Variants in HUWE1 observed in about 807,000 individuals in gnomAD.
HUWE1 encodes E3 ubiquitin-protein ligase HUWE1.
HUWE1 carries 18 observed loss-of-function variants against 299.4 expected under a neutral mutation model. The observed-to-expected ratio is 0.06, with a 90% CI of 0.04 to 0.09. HUWE1 has a LOEUF of 0.09. Ranked by LOEUF, HUWE1 falls within the 10% of genes least tolerant of loss-of-function variation. The pLI is 1.00. For synonymous variants in HUWE1, 1,317 were observed against 1,286.1 expected, an observed-to-expected ratio of 1.02 and a Z score of -0.51; for missense variants, 1,832 against 3,462.3, an observed-to-expected ratio of 0.53 and a Z score of 11.82.
Position 53,558,749 on chromosome X carries a change from C to A in HUWE1, c.8066G>T (p.Arg2689Met). 2 of 1,211,278 alleles carry A rather than the reference C, an allele frequency of 1.7e-6. No homozygotes were observed. Among genetic ancestry groups the A allele is most frequent in the Non-Finnish European group, 2.2e-6 (2 of 894,997 alleles). The change falls in exon 59 of 84, where the codon AGG becomes ATG. Residue 2689 changes from arginine to methionine, a missense_variant. Arg to Met is a moderately conservative substitution (Grantham distance 91, BLOSUM62 -1). This residue lies in a region of HUWE1 where 170 missense variants were observed against 335.8 expected (regional missense o/e 0.51). Coordinates refer to ENST00000262854, the MANE Select transcript of HUWE1 (RefSeq NM_031407.7). ...CAGTTGTTTCCTGCGCTTCTCTCGC[C>A]TTTCTTCCAGCTCCTCATCCCTCAG... Reference protein sequence around the residue: ...EFLRDEELEERREKRRKQLAE... With the variant: ...EFLRDEELEEMREKRRKQLAE...
intron 23 of HUWE1, among the ~76,000 whole-genome samples, chrX:53,609,154 A>G (rs782241089): frequency 1.8e-5 from 2 of 111,373 alleles, no homozygotes; most frequent in Admixed American, 9.5e-5. Flanking sequence ...ATACCGCAGG[A>G]AAAAAACAGC....
chrX:53,536,622 G>C lies in HUWE1; in HGVS notation c.12183C>G (p.Leu4061=). The C allele has an allele frequency of 8.3e-7, 1 of 1,209,223 alleles. No individual in the cohort carries two copies. Among genetic ancestry groups the C allele is most frequent in the South Asian group, 1.8e-5 (1 of 56,878 alleles). The change falls in exon 79 of 84, where the codon CTC becomes CTG. Residue 4061 remains leucine (L), a synonymous_variant. Transcript: ENST00000262854. ...AGATGATCATATACCACTCCCGCAG[G>C]AGCCCACCAGCATCCTGCCCTTCTT... ...EGEEGQDAGG[L]LREWYMIISR... is the part of the protein sequence containing the mutation.
chrX:53,535,842 G>A (rs782688398), intron 80 of HUWE1: 1 of 373,836 alleles, frequency 2.7e-6, no homozygotes, highest in African/African-American at 2.6e-5. Flanking sequence ...AACCTTAACT[G>A]CCTTCATTTT....
chrX:53,597,856 G>A (rs1228172173), intron 29 of HUWE1, among the ~76,000 whole-genome samples: 2 of 107,132 alleles, frequency 1.9e-5, no homozygotes, highest in Non-Finnish European at 3.8e-5. Context: ...GGAACATCAC[G>A]AAAGTCTGGA....
rs1047569055 is a variant in HUWE1, at chrX:53,643,994, T to C, written c.504+1317A>G. The stretch of plus-strand genomic sequence containing the variant: ...GTGTGCCACCACACCTGGCGGATTT[T>C]TGTACTTTTTGCAGAGACGGGATTT... On this transcript the variant is annotated intron_variant, in intron 7 of 83. Coordinates refer to ENST00000262854, the MANE Select transcript of HUWE1 (RefSeq NM_031407.7). Among the ~76,000 whole-genome samples, 32 of 110,077 alleles carry C rather than the reference T, an allele frequency of 2.9e-4. 1 individual carries two copies. The highest frequency in any genetic ancestry group is 9.5e-3 in the Middle Eastern group (2 of 211).
At position 53,576,887 on chromosome X, in the gene HUWE1, G is replaced by A. The variant is rs1556959243; in HGVS notation, c.5884+13C>T. 2 of 1,210,033 alleles carry A rather than the reference G, an allele frequency of 1.7e-6. No homozygotes were observed. The highest frequency in any genetic ancestry group is 2.2e-6 in the Non-Finnish European group (2 of 894,175). ...TCTAGTGCCCAGCCTCCTGAGGTAG[G>A]CTAGCCACATACCTTCCTCTGGAGC... On this transcript the variant is annotated intron_variant, in intron 44 of 83. Transcript: ENST00000262854.
chrX:53,601,948 C>G (rs1448815987), intron 28 of HUWE1, among the ~76,000 whole-genome samples: 1 of 110,928 alleles, frequency 9.0e-6, no homozygotes, highest in African/African-American at 3.3e-5. Flanking sequence ...GGATTACAGG[C>G]GTGAGCCACC....
chrX:53,584,884 T>C, intron 40 of HUWE1, 128 bp downstream of exon 40: 1 of 753,432 alleles, frequency 1.3e-6, no homozygotes, highest in Non-Finnish European at 2.0e-6. Context: ...CTAACGATAT[T>C]TGATAAGCTA....
chrX:53,669,894 G>A (rs1363806132), intron 3 of HUWE1, among the ~76,000 whole-genome samples: 1 of 111,889 alleles, frequency 8.9e-6, no homozygotes, highest in Non-Finnish European at 1.9e-5. Context: ...TAACTATAAT[G>A]CTAAAAGGTG....
intron 25 of HUWE1, among the ~76,000 whole-genome samples, chrX:53,607,301 A>G (rs1396350537): frequency 8.9e-6 from 1 of 112,316 alleles, no homozygotes; most frequent in Non-Finnish European, 1.9e-5. Context: ...ATGATGTAGA[A>G]CTACATACCC....
chrX:53,555,867 C>T (rs976206472), intron 60 of HUWE1, among the ~76,000 whole-genome samples: 1 of 109,707 alleles, frequency 9.1e-6, no homozygotes, highest in African/African-American at 3.3e-5. Context: ...GTCTCGAACT[C>T]CTGACCTCAG....
At chrX:53,590,379 T>C (rs2064093467) in intron 35 of HUWE1, 25 bp downstream of exon 35, 1 of 1,001,114 alleles carries the variant, frequency 1.0e-6, no homozygotes, top group African/African-American at 1.9e-5. Context: ...GCCAAGCCCT[T>C]TAGGATGCAG....
chrX:53,567,860 C>T (rs1556947155), intron 49 of HUWE1, among the ~76,000 whole-genome samples: 1 of 111,121 alleles, frequency 9.0e-6, no homozygotes, highest in African/African-American at 3.3e-5. Flanking sequence ...AGCTATACAT[C>T]ACCTAGGCTA....
rs1379764261 is a variant in HUWE1 at position 53,631,592 on chromosome X, T to C, written c.668A>G (p.Tyr223Cys). ...CTTGTCAAGTTGCTCTATGTGAATATAATGTAGTGTGTTACTAGTTGTCTA... is the reference window on the plus strand; with the variant it reads ...CTTGTCAAGTTGCTCTATGTGAATACAATGTAGTGTGTTACTAGTTGTCTA... ...EKRTTSNTLHYIHIEQLDKIS... is the reference protein window; with the variant it reads ...EKRTTSNTLHCIHIEQLDKIS... The change falls in exon 10 of 84, where the codon TAT becomes TGT. Residue 223 changes from tyrosine to cysteine, a missense_variant. This residue lies in a region of HUWE1 where 658 missense variants were observed against 1,282.6 expected (regional missense o/e 0.51). Transcript: ENST00000262854. The C allele has an allele frequency of 1.7e-6, 2 of 1,193,204 alleles. No homozygotes were observed. Among genetic ancestry groups the C allele is most frequent in the Non-Finnish European group, 1.1e-6 (1 of 880,903 alleles).
Position 53,590,512 on chromosome X carries a change from G to A in HUWE1, c.4096-13C>T. ...ACATGCTGAGATCCTAGAGTGTTAA[G>A]AGAATATCCAGTAAGGATACACACT... On this transcript the variant is annotated splice_polypyrimidine_tract_variant and intron_variant, in intron 34 of 83. Coordinates refer to ENST00000262854, the MANE Select transcript of HUWE1 (RefSeq NM_031407.7). 1 of 1,135,145 alleles carries A rather than the reference G, an allele frequency of 8.8e-7. No homozygotes were observed. The highest frequency in any genetic ancestry group is 1.2e-6 in the Non-Finnish European group (1 of 825,946). 93.5% of individuals were successfully genotyped at this position (1,135,145 alleles called of 1,213,427 possible).
chrX:53,596,969 CTT>C (rs1454555682), intron 29 of HUWE1, among the ~76,000 whole-genome samples: 2 of 112,390 alleles, frequency 1.8e-5, no homozygotes, highest in African/African-American at 6.5e-5. Flanking sequence ...AAACCTTGCA[CTT>C]TTGTGAAATC....
intron 43 of HUWE1, among the ~76,000 whole-genome samples, chrX:53,580,126 CA>C (rs782123920): frequency 1.8e-5 from 2 of 110,653 alleles, no homozygotes; most frequent in African/African-American, 3.3e-5. Context: ...TTTTTATTAC[CA>C]AAAAAGTCAG....
intron 3 of HUWE1, among the ~76,000 whole-genome samples, chrX:53,661,927 A>G (rs781965380): frequency 8.9e-6 from 1 of 112,170 alleles, no homozygotes; most frequent in Non-Finnish European, 1.9e-5. Context: ...AGCCACTCAA[A>G]GCGTGACTCA....
At chrX:53,557,871 T>C (rs2062101907) in intron 59 of HUWE1, among the ~76,000 whole-genome samples, 1 of 112,000 alleles carries the variant, frequency 8.9e-6, no homozygotes, top group Admixed American at 9.5e-5. Context: ...AAAAGTTCTA[T>C]ATAAAGATAT....
Sources: gnomAD v4.1 joint callset for allele counts (sites outside exome capture counted in the v4.1 genomes callset) on GRCh38, gnomAD v4.1.1 for gene constraint, gnomAD v4.1.1 regional missense constraint, MANE v1.5 for transcripts, NCBI Gene and HGNC (gene_info 2026-07-23, HGNC 2026-07-21) for gene names.